WIPF3: variants seen among roughly 807,000 people sequenced by gnomAD.
WIPF3 encodes the protein WAS/WASL interacting protein family member 3, also known as WAS/WASL-interacting protein family member 3.
A neutral mutation model predicts 38.9 loss-of-function variants in WIPF3; 33 were observed. The observed-to-expected ratio is 0.85, with a 90% CI of 0.64 to 1.14. The LOEUF is 1.14. Among genes scored for constraint, WIPF3 ranks in the 50% most tolerant of loss-of-function variants. WIPF3 has a pLI of 0.00. For missense variants in WIPF3, 711 were observed against 652.5 expected (o/e 1.09, Z -0.98); for synonymous variants, 324 against 269.3 (o/e 1.20, Z -1.99).
chr7:29,824,093 A>G (rs1472250102), intron 1 of WIPF3, among the ~76,000 whole-genome samples: 5 of 152,228 alleles, frequency 3.3e-5, no homozygotes, highest in Non-Finnish European at 7.3e-5. Flanking sequence ...CATAGTCCCT[A>G]TCTTTGAACC....
intron 2 of WIPF3, among the ~76,000 whole-genome samples, chr7:29,855,488 T>G (rs1785172275): frequency 6.6e-6 from 1 of 152,222 alleles, no homozygotes; most frequent in Non-Finnish European, 1.5e-5. Context: ...CCTTGCAACC[T>G]TGGATGGTCT....
rs2128074111 is a variant in WIPF3, at chr7:29,878,157, A to T, written c.224-852A>T. On this transcript the variant is annotated intron_variant, in intron 3 of 8. Transcript: ENST00000242140. This position sits in a 1 kb window ranked among gnomAD's most constrained non-coding sequence, Gnocchi z 4.0. ...CCCATGATCGAATTGGTTAAGCCTA[A>T]TTAACAGGTAAATCAATTTCATTGA... is the stretch of plus-strand genomic sequence containing the variant. Among the ~76,000 whole-genome samples the T allele has an allele frequency of 6.6e-6, 1 of 152,358 alleles. No homozygotes were observed. Among genetic ancestry groups the T allele is most frequent in the Admixed American group, 6.5e-5 (1 of 15,308 alleles).
chr7:29,894,171 C>T (rs558949098), intron 7 of WIPF3, among the ~76,000 whole-genome samples: 1 of 152,166 alleles, frequency 6.6e-6, no homozygotes, highest in Non-Finnish European at 1.5e-5. Flanking sequence ...CAGTAATGTG[C>T]TGTGGGGTCC....
At chr7:29,840,412 A>G (rs1478542482) in intron 2 of WIPF3, among the ~76,000 whole-genome samples, 1 of 152,178 alleles carries the variant, frequency 6.6e-6, no homozygotes, top group African/African-American at 2.4e-5. Context: ...TATCTTTTAT[A>G]TCTGCAAACC....
At chr7:29,818,558 TATTTA>T (rs1276531260) in intron 1 of WIPF3, among the ~76,000 whole-genome samples, 2 of 148,834 alleles carry the variant, frequency 1.3e-5, no homozygotes, top group Non-Finnish European at 3.0e-5. Context: ...TATGTATACT[TATTTA>T]ATTTAATTAT....
At chr7:29,815,686 C>T (rs1321587218) in intron 1 of WIPF3, among the ~76,000 whole-genome samples, 1 of 152,216 alleles carries the variant, frequency 6.6e-6, no homozygotes, top group Non-Finnish European at 1.5e-5. Flanking sequence ...ACAGGGTCTG[C>T]TACAGCTGGA....
intron 2 of WIPF3, among the ~76,000 whole-genome samples, chr7:29,861,988 G>A (rs1413667680): frequency 6.6e-6 from 1 of 152,212 alleles, no homozygotes; most frequent in East Asian, 1.9e-4. Context: ...GCAGAAGAGG[G>A]ACTGATGGCA....
intron 2 of WIPF3, among the ~76,000 whole-genome samples, chr7:29,861,017 C>T (rs1341930447): frequency 1.3e-5 from 2 of 152,082 alleles, no homozygotes; most frequent in Non-Finnish European, 2.9e-5. Flanking sequence ...AGATGTTCAG[C>T]AGCCAGTTGG....
At chr7:29,832,602 C>T (rs948773078) in intron 1 of WIPF3, among the ~76,000 whole-genome samples, 1 of 152,140 alleles carries the variant, frequency 6.6e-6, no homozygotes, top group African/African-American at 2.4e-5. Flanking sequence ...GATCAGGCTC[C>T]TTCTTTCAAG....
At chr7:29,850,858 G>A (rs972983903) in intron 2 of WIPF3, among the ~76,000 whole-genome samples, 5 of 152,164 alleles carry the variant, frequency 3.3e-5, no homozygotes, top group African/African-American at 1.2e-4. Flanking sequence ...CCTGGCTCCC[G>A]AGTTTAGTCA....
chr7:29,860,425 CT>C (rs956285618), intron 2 of WIPF3, among the ~76,000 whole-genome samples: 3 of 152,118 alleles, frequency 2.0e-5, no homozygotes, highest in African/African-American at 4.8e-5. Flanking sequence ...GTGCCTCCCC[CT>C]GTCTCTCTTC....
intron 2 of WIPF3, among the ~76,000 whole-genome samples, chr7:29,868,624 G>T (rs542743170): frequency 6.6e-6 from 1 of 151,798 alleles, no homozygotes; most frequent in South Asian, 2.1e-4. Context: ...TTAACAAAGG[G>T]TATATGTTCT....
rs935577674 is a variant in WIPF3 at position 29,916,268 on chromosome 7, C to T, written c.*1752C>T. 2.0e-5 allele frequency: 3 copies of T among 152,206 alleles called. No individual in the cohort carries two copies. The highest frequency in any genetic ancestry group is 4.4e-5 in the Non-Finnish European group (3 of 68,044). The allele number at this position is 152,206 out of a possible 1,614,324, so 9.4% of individuals were successfully genotyped here. Reference sequence around the variant, plus strand: ...AACAGTGTCCACTCCACTGCCCTCACAGTTGTGTAAAATAATTATAGAAGT... The same window carrying T: ...AACAGTGTCCACTCCACTGCCCTCATAGTTGTGTAAAATAATTATAGAAGT... On this transcript the variant is annotated 3_prime_UTR_variant, in exon 9 of 9. Transcript: ENST00000242140.
At chr7:29,840,914 T>A (rs174933) in intron 2 of WIPF3, among the ~76,000 whole-genome samples, 1 of 151,954 alleles carries the variant, frequency 6.6e-6, no homozygotes, top group Admixed American at 6.5e-5. Flanking sequence ...CATACCCTGG[T>A]GGTTGGTGAA....
chr7:29,829,722 C>T (rs991057088), intron 1 of WIPF3, among the ~76,000 whole-genome samples: 1 of 152,138 alleles, frequency 6.6e-6, no homozygotes, highest in Admixed American at 6.5e-5. Context: ...GCCACACGGC[C>T]AGGAAAAGGG....
At chr7:29,910,076 A>G (rs1003688029) in intron 8 of WIPF3, among the ~76,000 whole-genome samples, 1 of 152,166 alleles carries the variant, frequency 6.6e-6, no homozygotes, top group Non-Finnish European at 1.5e-5. Flanking sequence ...AAATAACTCA[A>G]AGAATATAAC....
intron 2 of WIPF3, among the ~76,000 whole-genome samples, chr7:29,873,776 C>T (rs932227725): frequency 6.6e-6 from 1 of 152,142 alleles, no homozygotes; most frequent in East Asian, 1.9e-4. Context: ...ACTTTGAAGC[C>T]TATGCCCTTC....
At chr7:29,880,354 T>C (rs1231951197) in intron 4 of WIPF3, among the ~76,000 whole-genome samples, 1 of 152,098 alleles carries the variant, frequency 6.6e-6, no homozygotes, top group Non-Finnish European at 1.5e-5. Context: ...CCAATAAAAG[T>C]CCAGCAAAGA....
chr7:29,854,351 T>C (rs998599051), intron 2 of WIPF3, among the ~76,000 whole-genome samples: 2 of 152,230 alleles, frequency 1.3e-5, no homozygotes, highest in Admixed American at 1.3e-4. Flanking sequence ...GATTCTTTAA[T>C]CCCAAGTAGG....
Sources: gnomAD v4.1 joint callset for allele counts (sites outside exome capture counted in the v4.1 genomes callset) on GRCh38, gnomAD v4.1.1 for gene constraint, Gnocchi (gnomAD v3.1) non-coding constraint, MANE v1.5 for transcripts, NCBI Gene and HGNC (gene_info 2026-07-23, HGNC 2026-07-21) for gene names.